Variants in IFFO2 observed in about 807,000 individuals in gnomAD.
IFFO2 encodes intermediate filament family orphan 2.
In IFFO2, 19 loss-of-function variants were observed where a neutral mutation model predicts 53.5. The observed-to-expected ratio is 0.36, with a 90% CI of 0.25 to 0.52. The LOEUF (loss-of-function observed/expected upper bound fraction) is 0.52. Ranked by LOEUF, IFFO2 falls within the 20% of genes least tolerant of loss-of-function variation. The probability of loss-of-function intolerance (pLI) is 0.94; values close to 1 mark genes in which losing one functional copy is unlikely to be tolerated. For missense variants in IFFO2, 570 were observed against 727.4 expected (o/e 0.78, Z 2.49); for synonymous variants, 303 against 313.6 (o/e 0.97, Z 0.36).
At chr1:18,909,539 C>T (rs1224494348) in intron 8 of IFFO2, among the ~76,000 whole-genome samples, 3 of 152,174 alleles carry the variant, frequency 2.0e-5, no homozygotes, top group South Asian at 2.1e-4. Flanking sequence ...ATAATTGAAT[C>T]GTGGGGGCGG....
chr1:18,911,317 G>A lies in IFFO2; in HGVS notation c.1317+67C>T, dbSNP rs75697132. On this transcript the variant is annotated intron_variant, in intron 7 of 8. Transcript: ENST00000455833. ...GCCCATGACACATGGGTGTTTGATC[G>A]CCAGGATCTCAACCATGTGGACCTC... 0.011 allele frequency: 8,409 copies of A among 799,366 alleles called. 139 individuals carry two copies. The highest frequency in any genetic ancestry group is 0.057 in the East Asian group (1,711 of 30,078). 49.5% of individuals were successfully genotyped at this position (799,366 alleles called of 1,614,324 possible). A position where few individuals can be genotyped will look rare whatever the true frequency, so the allele number is the denominator to read the frequency against.
At position 18,924,518 on chromosome 1, in the gene IFFO2, G is replaced by A. The variant is rs1253491367; in HGVS notation, c.666-3397C>T. On this transcript the variant is annotated intron_variant, in intron 1 of 8. Coordinates refer to ENST00000455833, the MANE Select transcript of IFFO2 (RefSeq NM_001136265.2). ...GCGGGTGCACCTACTTTGGATCAGCGGTTTGCAGACATCGTTTCCTTTCAG... is the reference window on the plus strand; with the variant it reads ...GCGGGTGCACCTACTTTGGATCAGCAGTTTGCAGACATCGTTTCCTTTCAG... 2.6e-5 allele frequency among the ~76,000 whole-genome samples: 4 copies of A among 152,170 alleles called. No homozygotes were observed. The East Asian group carries it at 5.8e-4, about 22-fold the overall frequency.
At chr1:18,910,187 CTGGATGGA>C (rs60534604) in intron 8 of IFFO2, among the ~76,000 whole-genome samples, 147 bp downstream of exon 8, 2,407 of 151,776 alleles carry the variant, frequency 0.016, 36 homozygotes, top group East Asian at 0.08. Context: ...CTAATAGTCA[CTGGATGGA>C]TGGATGGATG....
At chr1:18,912,774 G>A (rs1226885790) in intron 5 of IFFO2, among the ~76,000 whole-genome samples, 1 of 152,196 alleles carries the variant, frequency 6.6e-6, no homozygotes, top group Admixed American at 6.5e-5. Flanking sequence ...GGCTCAGAGG[G>A]ATTCAGTGGC....
Position 18,918,595 on chromosome 1 carries a change from G to C in IFFO2, c.823-93C>G. On this transcript the variant is annotated intron_variant, in intron 3 of 8. Coordinates refer to ENST00000455833, the MANE Select transcript of IFFO2 (RefSeq NM_001136265.2). This position sits in a 1 kb window ranked among gnomAD's most constrained non-coding sequence, Gnocchi z 5.2. The stretch of plus-strand genomic sequence containing the variant: ...GTGGGGAGACCCCTAGGTGTCAGCA[G>C]GGGTGGTGCGGGGAGGCCTCCAGAG... The C allele has an allele frequency of 7.4e-7, 1 of 1,353,736 alleles. No homozygotes were observed. Among genetic ancestry groups the C allele is most frequent in the South Asian group, 1.3e-5 (1 of 75,122 alleles). 83.9% of individuals were successfully genotyped at this position (1,353,736 alleles called of 1,614,324 possible).
intron 1 of IFFO2, among the ~76,000 whole-genome samples, chr1:18,952,227 C>T (rs1403835663): frequency 2.0e-5 from 3 of 152,140 alleles, no homozygotes; most frequent in South Asian, 2.1e-4. Flanking sequence ...TCCAAATCAA[C>T]GCTTGACAAC....
At chr1:18,931,007 CA>C (rs1287532109) in intron 1 of IFFO2, among the ~76,000 whole-genome samples, 2 of 152,018 alleles carry the variant, frequency 1.3e-5, no homozygotes, top group Non-Finnish European at 2.9e-5. Flanking sequence ...CCCATCCCTA[CA>C]AAAAATTTTA....
intron 1 of IFFO2, among the ~76,000 whole-genome samples, chr1:18,930,724 T>C (rs916387965): frequency 6.6e-6 from 1 of 152,212 alleles, no homozygotes. Context: ...GCTGGCTCTT[T>C]TGGGCAACAT....
At chr1:18,922,050 T>C (rs1181648292) in intron 1 of IFFO2, among the ~76,000 whole-genome samples, 1 of 152,070 alleles carries the variant, frequency 6.6e-6, no homozygotes, top group Non-Finnish European at 1.5e-5. Flanking sequence ...GTAGGCACCG[T>C]CATTATCCCC....
intron 1 of IFFO2, among the ~76,000 whole-genome samples, chr1:18,955,096 C>T (rs1178240765): frequency 2.0e-5 from 3 of 152,176 alleles, no homozygotes; most frequent in South Asian, 4.1e-4. Flanking sequence ...TTTTCAAAAA[C>T]GTGATCTCAT....
At position 18,907,355 on chromosome 1, in the gene IFFO2, G is replaced by C. The variant is rs1201442524; in HGVS notation, c.*1206C>G. The C allele has an allele frequency of 6.6e-6, 1 of 152,188 alleles. No individual in the cohort carries two copies. Among genetic ancestry groups the C allele is most frequent in the East Asian group, 1.9e-4 (1 of 5,188 alleles). The allele number at this position is 152,188 out of a possible 1,614,324, so 9.4% of individuals were successfully genotyped here. A position where few individuals can be genotyped will look rare whatever the true frequency, so the allele number is the denominator to read the frequency against. ...GAACTGCTGAGAGCGGCTTGCGTGTGTCGAGGAGCAGAAAGAGGATGGCCC... is the reference window on the plus strand; with the variant it reads ...GAACTGCTGAGAGCGGCTTGCGTGTCTCGAGGAGCAGAAAGAGGATGGCCC... On this transcript the variant is annotated 3_prime_UTR_variant, in exon 9 of 9. Transcript: ENST00000455833.
intron 8 of IFFO2, 75 bp from the exon 9 acceptor site, chr1:18,908,741 G>T: frequency 9.7e-7 from 1 of 1,027,398 alleles, no homozygotes; most frequent in Non-Finnish European, 1.5e-6. Flanking sequence ...TGGGAAGGCT[G>T]AGCTGCCACT....
intron 1 of IFFO2, among the ~76,000 whole-genome samples, chr1:18,921,893 C>T (rs1569843130): frequency 1.3e-5 from 2 of 152,056 alleles, no homozygotes; most frequent in Admixed American, 6.5e-5. Flanking sequence ...GTTCAGTGGA[C>T]CCCCGCCCTT....
intron 1 of IFFO2, among the ~76,000 whole-genome samples, chr1:18,941,235 G>A (rs962015779): frequency 4.6e-5 from 7 of 152,268 alleles, no homozygotes; most frequent in African/African-American, 1.2e-4. Flanking sequence ...GCAAGATGGC[G>A]ATAGAATTAT....
chr1:18,944,773 G>C (rs1235920284), intron 1 of IFFO2, among the ~76,000 whole-genome samples: 7 of 152,196 alleles, frequency 4.6e-5, no homozygotes, highest in African/African-American at 1.4e-4. Context: ...CCAGCATCTG[G>C]CTGAGGGATG....
intron 1 of IFFO2, among the ~76,000 whole-genome samples, chr1:18,935,314 G>A (rs1466094696): frequency 6.6e-6 from 1 of 152,158 alleles, no homozygotes; most frequent in Non-Finnish European, 1.5e-5. Context: ...TCTCCAAAAG[G>A]GTAGACAGAG....
In IFFO2 at chr1:18,939,439, C is replaced by G. The variant is rs1331366360; in HGVS notation, c.665+16229G>C. Among the ~76,000 whole-genome samples, 5 of 152,338 alleles carry G rather than the reference C, an allele frequency of 3.3e-5. No individual in the cohort carries two copies. In the East Asian group the frequency reaches 9.6e-4, roughly 29 times the overall value. On this transcript the variant is annotated intron_variant, in intron 1 of 8. Transcript: ENST00000455833. The stretch of plus-strand genomic sequence containing the variant: ...GCTGAATGGCTGTGGACATGTTGCT[C>G]AACCTCTCTGGGCCTCAGTTTCCCC...
At chr1:18,930,965 G>A (rs554551686) in intron 1 of IFFO2, among the ~76,000 whole-genome samples, 9 of 152,278 alleles carry the variant, frequency 5.9e-5, no homozygotes, top group African/African-American at 1.7e-4. Context: ...GAAGCCAAGA[G>A]TTCAACACCA....
chr1:18,955,512 G>A (rs913478322), intron 1 of IFFO2, among the ~76,000 whole-genome samples, 156 bp downstream of exon 1: 6 of 152,200 alleles, frequency 3.9e-5, no homozygotes, highest in Non-Finnish European at 7.3e-5. Flanking sequence ...AGATAACTGG[G>A]CCTTCCTGGC....
Sources: allele counts gnomAD v4.1 joint callset (sites outside exome capture counted in the v4.1 genomes callset), GRCh38; gene constraint gnomAD v4.1.1; non-coding constraint Gnocchi (gnomAD v3.1); transcripts MANE v1.5; gene names NCBI Gene and HGNC (gene_info 2026-07-23, HGNC 2026-07-21).